The following ADCY9 variants were observed in gnomAD, a reference collection of about 807,000 sequenced individuals.
ADCY9 encodes the protein adenylate cyclase type 9.
Under a neutral mutation model 101.5 loss-of-function variants are expected in ADCY9, and 50 were observed. The observed-to-expected ratio is 0.49, with a 90% CI of 0.39 to 0.62. ADCY9 has a LOEUF of 0.62. Among genes scored for constraint, ADCY9 ranks in the 20% least tolerant of loss-of-function variants. The probability of loss-of-function intolerance (pLI) is 0.00; values close to 1 mark genes in which losing one functional copy is unlikely to be tolerated. For synonymous variants in ADCY9, 905 were observed against 769.3 expected, an observed-to-expected ratio of 1.18 and a Z score of -2.92; for missense variants, 1,662 against 1,800.4, an observed-to-expected ratio of 0.92 and a Z score of 1.39.
chr16:3,956,596 T>C (rs576432862), intron 5 of ADCY9, among the ~76,000 whole-genome samples: 2 of 146,532 alleles, frequency 1.4e-5, no homozygotes, highest in East Asian at 2.1e-4. Flanking sequence ...GTTCAAGCGA[T>C]TCTCCTGCCT....
chr16:4,089,256 G>T (rs1380644568), intron 2 of ADCY9, among the ~76,000 whole-genome samples: 1 of 151,902 alleles, frequency 6.6e-6, no homozygotes, highest in Admixed American at 6.6e-5. Context: ...TGAGTTGACA[G>T]GATTTTGACA....
intron 2 of ADCY9, among the ~76,000 whole-genome samples, chr16:4,109,438 T>A (rs932647698): frequency 2.6e-5 from 4 of 152,236 alleles, no homozygotes; most frequent in Non-Finnish European, 5.9e-5. Context: ...GAACCGTGCC[T>A]GGCACGGAGT....
intron 2 of ADCY9, among the ~76,000 whole-genome samples, chr16:4,034,950 T>C (rs949803555): frequency 6.6e-6 from 1 of 152,216 alleles, no homozygotes; most frequent in African/African-American, 2.4e-5. Context: ...ATGTGTTGAT[T>C]TGTTCCAGCA....
chr16:4,065,184 A>G (rs1194011542), intron 2 of ADCY9, among the ~76,000 whole-genome samples: 1 of 152,186 alleles, frequency 6.6e-6, no homozygotes, highest in African/African-American at 2.4e-5. Context: ...TAATTCACTT[A>G]GATCTGAACT....
chr16:4,084,217 T>C (rs541581487), intron 2 of ADCY9, among the ~76,000 whole-genome samples: 1 of 152,246 alleles, frequency 6.6e-6, no homozygotes, highest in African/African-American at 2.4e-5. Flanking sequence ...GTTCAAGTGA[T>C]TCTCCTGCCT....
chr16:3,984,511 C>G (rs980288683), intron 6 of ADCY9, among the ~76,000 whole-genome samples: 3 of 152,116 alleles, frequency 2.0e-5, no homozygotes, highest in Non-Finnish European at 4.4e-5. Flanking sequence ...CACGGCACCC[C>G]ACAGGCAGGA....
At chr16:4,091,465 C>G (rs1292001020) in intron 2 of ADCY9, among the ~76,000 whole-genome samples, 1 of 152,108 alleles carries the variant, frequency 6.6e-6, no homozygotes, top group Admixed American at 6.6e-5. Context: ...GGTATGTGCC[C>G]CAAAGAACTG....
chr16:4,010,913 G>A (rs756380477), intron 2 of ADCY9, among the ~76,000 whole-genome samples: 180 of 152,316 alleles, frequency 1.2e-3, no homozygotes, highest in Non-Finnish European at 1.8e-3. Context: ...TTGCCCTCCA[G>A]TTTCCTTCTC....
chr16:3,957,537 G>A (rs1400165045), intron 5 of ADCY9, among the ~76,000 whole-genome samples: 1 of 152,128 alleles, frequency 6.6e-6, no homozygotes, highest in Non-Finnish European at 1.5e-5. Context: ...GTGCAGAACC[G>A]TGGCATCCTG....
intron 4 of ADCY9, 198 bp downstream of exon 4, chr16:3,993,208 G>T: frequency 1.1e-6 from 1 of 903,506 alleles, no homozygotes; most frequent in Non-Finnish European, 1.6e-6. Flanking sequence ...CTGAGCGCTG[G>T]TTTCCACGTG....
rs1442455304 is a variant in ADCY9 at position 4,115,966 on chromosome 16, CG to C, written c.-321del. 1 of 191,004 alleles carries C rather than the reference CG, an allele frequency of 5.2e-6. No homozygotes were observed. The highest frequency in any genetic ancestry group is 5.4e-5 in the East Asian group (1 of 18,600). 11.8% of individuals were successfully genotyped at this position (191,004 alleles called of 1,614,324 possible). On this transcript the variant is annotated 5_prime_UTR_variant, in exon 1 of 11. Coordinates refer to ENST00000294016, the MANE Select transcript of ADCY9 (RefSeq NM_001116.4). The surrounding 1 kb of genome is among the most constrained non-coding windows in gnomAD (Gnocchi z 6.2). ...CGATGCGTCAAAGGCGGCGCGCGGCCGGCCCCGGGCCCGGACCCCGACCCGG... is the reference window on the plus strand; with the variant it reads ...CGATGCGTCAAAGGCGGCGCGCGGCCGCCCCGGGCCCGGACCCCGACCCGG...
At chr16:4,111,819 T>TA (rs61320659) in intron 2 of ADCY9, among the ~76,000 whole-genome samples, 98 of 140,736 alleles carry the variant, frequency 7.0e-4, no homozygotes, top group Middle Eastern at 3.6e-3. Context: ...ATTTGAGGTT[T>TA]AAAAAAAAAA....
intron 2 of ADCY9, among the ~76,000 whole-genome samples, chr16:4,050,516 C>A (rs1056071220): frequency 1.3e-5 from 2 of 151,780 alleles, no homozygotes; most frequent in African/African-American, 4.8e-5. Flanking sequence ...GAGTTTGAGA[C>A]CCAGCCTGAC....
intron 2 of ADCY9, among the ~76,000 whole-genome samples, chr16:4,097,453 CATATATATATATATATATAT>C (rs71394653): frequency 5.6e-5 from 4 of 71,074 alleles, no homozygotes; most frequent in African/African-American, 2.1e-4. Context: ...TGTGGAGTTA[CATATATATATATATATATAT>C]ATATATATAT....
rs1399372311 is a variant in ADCY9, at chr16:4,097,547, ATATATATTTTTTT to A, written c.1693+16190_1693+16202del. ...TATGTACATATATATATATATATAT[ATATATATTTTTTT>A]TTTTTTTTTTTAAGACAGAGTCTTG... is the stretch of plus-strand genomic sequence containing the variant. On this transcript the variant is annotated intron_variant, in intron 2 of 10. Coordinates refer to ENST00000294016, the MANE Select transcript of ADCY9 (RefSeq NM_001116.4). 1.1e-3 allele frequency among the ~76,000 whole-genome samples: 50 copies of A among 46,694 alleles called. 1 individual carries two copies. The highest frequency in any genetic ancestry group is 6.3e-3 in the African/African-American group (47 of 7,402). 30.6% of individuals were successfully genotyped at this position (46,694 alleles called of 152,430 possible). A position where few individuals can be genotyped will look rare whatever the true frequency, so the allele number is the denominator to read the frequency against.
At chr16:4,003,039 A>G (rs1225127633) in intron 3 of ADCY9, among the ~76,000 whole-genome samples, 7 of 152,060 alleles carry the variant, frequency 4.6e-5, no homozygotes, top group African/African-American at 1.7e-4. Context: ...CTTCATGAAG[A>G]TGTTGGAAAA....
intron 2 of ADCY9, among the ~76,000 whole-genome samples, chr16:4,066,198 T>C (rs1309660385): frequency 2.0e-5 from 3 of 152,194 alleles, no homozygotes; most frequent in African/African-American, 7.2e-5. Flanking sequence ...CCAAAAACCT[T>C]ACAAAACCAT....
chr16:4,112,392 C>G (rs527514916), intron 2 of ADCY9, among the ~76,000 whole-genome samples: 5 of 152,268 alleles, frequency 3.3e-5, no homozygotes, highest in African/African-American at 9.6e-5. Context: ...AAAGAAAAAT[C>G]AGAAGAAAGA....
chr16:3,979,063 A>C, intron 8 of ADCY9, 53 bp downstream of exon 8: 2 of 1,601,720 alleles, frequency 1.2e-6, no homozygotes, highest in Non-Finnish European at 1.7e-6. Context: ...AAGAAAAGAG[A>C]GATTAGGGAG....
Sources: gnomAD v4.1 joint callset for allele counts (sites outside exome capture counted in the v4.1 genomes callset) on GRCh38, gnomAD v4.1.1 for gene constraint, Gnocchi (gnomAD v3.1) non-coding constraint, MANE v1.5 for transcripts, NCBI Gene and HGNC (gene_info 2026-07-23, HGNC 2026-07-21) for gene names.